TRAK2: variants seen among roughly 807,000 people sequenced by gnomAD.
The protein encoded by TRAK2 is trafficking kinesin protein 2, also known as trafficking kinesin-binding protein 2.
A neutral mutation model predicts 104.6 loss-of-function variants in TRAK2; 81 were observed. The ratio of observed to expected loss-of-function variants is 0.77; its 90% CI spans 0.65 to 0.93. The LOEUF is 0.93. Among genes scored for constraint, TRAK2 ranks in the 40% least tolerant of loss-of-function variants. The probability of loss-of-function intolerance (pLI) is 0.00; values close to 1 mark genes in which losing one functional copy is unlikely to be tolerated. For missense variants in TRAK2, 1,002 were observed against 1,089.0 expected (o/e 0.92, Z 1.12); for synonymous variants, 406 against 394.4 (o/e 1.03, Z -0.35).
chr2:201,441,402 C>A (rs140200807), intron 1 of TRAK2, among the ~76,000 whole-genome samples: 1 of 152,138 alleles, frequency 6.6e-6, no homozygotes, highest in Non-Finnish European at 1.5e-5. Context: ...TTAAAATAAG[C>A]CCCACATCAA....
At chr2:201,387,315 TA>T (rs1185336923) in intron 13 of TRAK2, among the ~76,000 whole-genome samples, 2 of 152,162 alleles carry the variant, frequency 1.3e-5, no homozygotes, top group African/African-American at 2.4e-5. Flanking sequence ...TACTTTTGGG[TA>T]AAAAACTCTT....
rs536595562 is a variant in TRAK2 at position 201,405,012 on chromosome 2, G to A, written c.286+2391C>T. ...TTCCAGGGGAGAATCAGGCCCTACA[G>A]ACCATTTGAATGACAATTTTCTCAA... On this transcript the variant is annotated intron_variant, in intron 3 of 15. Coordinates refer to ENST00000332624, the MANE Select transcript of TRAK2 (RefSeq NM_015049.3). Among the ~76,000 whole-genome samples the A allele has an allele frequency of 8.5e-5, 13 of 152,282 alleles. 1 individual carries two copies. In the South Asian group the frequency reaches 2.5e-3, roughly 29 times the overall value.
chr2:201,436,511 C>T (rs1951880757), intron 1 of TRAK2, among the ~76,000 whole-genome samples: 1 of 152,176 alleles, frequency 6.6e-6, no homozygotes, highest in Non-Finnish European at 1.5e-5. Context: ...ATAATCTGCT[C>T]TTCAGAATTT....
At chr2:201,397,700 C>A (rs184270786) in intron 6 of TRAK2, 120 bp from the exon 7 acceptor site, 1 of 716,836 alleles carries the variant, frequency 1.4e-6, no homozygotes, top group Non-Finnish European at 2.3e-6. Flanking sequence ...AAAAACCCAA[C>A]AACCTGTTCA....
Position 201,407,297 on chromosome 2 carries a change from T to C in TRAK2, c.286+106A>G, listed in dbSNP as rs1951602559. On this transcript the variant is annotated intron_variant, in intron 3 of 15. Transcript: ENST00000332624. ...AAATCAGTTCAAATAAAAGTAGGTA[T>C]ACACTGAACAATGGCTACTAAACAT... 4 of 913,926 alleles carry C rather than the reference T, an allele frequency of 4.4e-6. No homozygotes were observed. In the African/African-American group the frequency reaches 5.1e-5, roughly 12 times the overall value. 56.6% of individuals were successfully genotyped at this position (913,926 alleles called of 1,614,324 possible).
At position 201,377,883 on chromosome 2, in the gene TRAK2, A is replaced by G. The variant is rs940309054; in HGVS notation, c.*2660T>C. ...CACTGAAAACCTTCTTAAAGGCGAA[A>G]AAAAAAAAAGATTGAGGTTTCCTAT... is the stretch of plus-strand genomic sequence containing the variant. On this transcript the variant is annotated 3_prime_UTR_variant, in exon 16 of 16. Transcript: ENST00000332624. 2 of 152,478 alleles carry G rather than the reference A, an allele frequency of 1.3e-5. No homozygotes were observed. The highest frequency in any genetic ancestry group is 4.8e-5 in the African/African-American group (2 of 41,392). 9.4% of individuals were successfully genotyped at this position (152,478 alleles called of 1,614,324 possible). A position where few individuals can be genotyped will look rare whatever the true frequency, so the allele number is the denominator to read the frequency against.
intron 10 of TRAK2, among the ~76,000 whole-genome samples, chr2:201,390,154 A>G (rs1951432355): frequency 6.6e-6 from 1 of 152,216 alleles, no homozygotes. Flanking sequence ...AAAGGCCATA[A>G]ACCCAGTGTT....
At position 201,420,535 on chromosome 2, in the gene TRAK2, A is replaced by G. The variant is rs1354373957; in HGVS notation, c.-28T>C. On this transcript the variant is annotated 5_prime_UTR_variant, in exon 2 of 16. Transcript: ENST00000332624. ...AGGATCCTTTCTTGCTTTGGTTGAG[A>G]AGGACAGCTTTGGTATGAATCAGAG... The G allele has an allele frequency of 6.3e-7, 1 of 1,577,706 alleles. No homozygotes were observed. The highest frequency in any genetic ancestry group is 1.3e-5 in the African/African-American group (1 of 74,336).
chr2:201,439,827 C>T (rs562831910), intron 1 of TRAK2, among the ~76,000 whole-genome samples: 3 of 146,186 alleles, frequency 2.1e-5, no homozygotes, highest in African/African-American at 2.6e-5. Context: ...AGTAAACTAT[C>T]GCAAGGACAA....
intron 1 of TRAK2, among the ~76,000 whole-genome samples, chr2:201,449,477 GTTC>G (rs1199690758): frequency 4.1e-5 from 5 of 122,408 alleles, no homozygotes; most frequent in Admixed American, 1.1e-4. Flanking sequence ...TAAAATGTTG[GTTC>G]TTTTTTTTTT....
intron 6 of TRAK2, chr2:201,397,920 C>G: frequency 1.7e-6 from 1 of 572,756 alleles, no homozygotes; most frequent in Non-Finnish European, 3.1e-6. Context: ...GATACATTTT[C>G]TATCCTGTGA....
At chr2:201,446,752 A>G (rs1057095131) in intron 1 of TRAK2, among the ~76,000 whole-genome samples, 7 of 152,238 alleles carry the variant, frequency 4.6e-5, no homozygotes, top group African/African-American at 1.7e-4. Flanking sequence ...AAAGGTTGTC[A>G]AAGAATTTGG....
intron 12 of TRAK2, among the ~76,000 whole-genome samples, chr2:201,388,892 A>G (rs549534837): frequency 2.0e-5 from 3 of 152,064 alleles, no homozygotes; most frequent in Admixed American, 2.0e-4. Flanking sequence ...TTTTCAGTAA[A>G]GTTGTTTACC....
chr2:201,449,196 C>T (rs1396820506), intron 1 of TRAK2, among the ~76,000 whole-genome samples: 1 of 152,180 alleles, frequency 6.6e-6, no homozygotes, highest in Non-Finnish European at 1.5e-5. Context: ...GGACTTATTC[C>T]AGATGTCCAA....
At chr2:201,409,445 T>C (rs1951625276) in intron 2 of TRAK2, among the ~76,000 whole-genome samples, 1 of 152,190 alleles carries the variant, frequency 6.6e-6, no homozygotes, top group African/African-American at 2.4e-5. Flanking sequence ...AATATGAAGT[T>C]AGTAGTCAGG....
At chr2:201,446,627 C>G (rs1483218678) in intron 1 of TRAK2, among the ~76,000 whole-genome samples, 2 of 152,200 alleles carry the variant, frequency 1.3e-5, no homozygotes, top group African/African-American at 4.8e-5. Context: ...ACTCTAAAGA[C>G]AGACTGAGTT....
chr2:201,394,787 G>T lies in TRAK2; in HGVS notation c.975+11C>A, dbSNP rs2125644635. 1 of 1,611,644 alleles carries T rather than the reference G, an allele frequency of 6.2e-7. No homozygotes were observed. The highest frequency in any genetic ancestry group is 8.5e-7 in the Non-Finnish European group (1 of 1,178,186). On this transcript the variant is annotated intron_variant, in intron 9 of 15. Transcript: ENST00000332624. ...CCCCTCCTGAATTACACAAGATAAA[G>T]ATTTCATTACCTCCATTGTCAGTTG...
chr2:201,411,972 G>A, intron 2 of TRAK2: 2 of 945,934 alleles, frequency 2.1e-6, no homozygotes, highest in Non-Finnish European at 3.5e-6. Flanking sequence ...TAAACCATGG[G>A]TAGAACACTG....
At chr2:201,449,404 A>T (rs1263844342) in intron 1 of TRAK2, among the ~76,000 whole-genome samples, 1 of 152,136 alleles carries the variant, frequency 6.6e-6, no homozygotes, top group Non-Finnish European at 1.5e-5. Context: ...GGTTTGTTAA[A>T]GTGATTAAGT....
Sources: gnomAD v4.1 joint callset for allele counts (sites outside exome capture counted in the v4.1 genomes callset) on GRCh38, gnomAD v4.1.1 for gene constraint, MANE v1.5 for transcripts, NCBI Gene and HGNC (gene_info 2026-07-23, HGNC 2026-07-21) for gene names.